CACNB1: variants seen among roughly 807,000 people sequenced by gnomAD.
CACNB1 encodes the protein voltage-dependent L-type calcium channel subunit beta-1.
In CACNB1, 29 loss-of-function variants were observed where a neutral mutation model predicts 71.6. That is an observed-to-expected ratio of 0.40 (90% CI 0.30 to 0.55). The LOEUF is 0.55. Among genes scored for constraint, CACNB1 ranks in the 20% least tolerant of loss-of-function variants. CACNB1 has a pLI of 0.38. For missense variants in CACNB1, 623 were observed against 801.8 expected (o/e 0.78, Z 2.69); for synonymous variants, 300 against 319.6 (o/e 0.94, Z 0.65).
intron 1 of CACNB1, among the ~76,000 whole-genome samples, chr17:39,196,169 C>G (rs1181985810): frequency 1.3e-5 from 2 of 152,158 alleles, no homozygotes; most frequent in Non-Finnish European, 2.9e-5. Flanking sequence ...CTGCTGGGAT[C>G]AGGGTACAAG....
At chr17:39,177,256 G>T in intron 13 of CACNB1, 94 bp downstream of exon 13, 1 of 1,599,284 alleles carries the variant, frequency 6.3e-7, no homozygotes. Context: ...TACATGGCAT[G>T]TTCCTGCTCC....
At chr17:39,197,265 C>T in intron 1 of CACNB1, 147 bp downstream of exon 1, 1 of 361,526 alleles carries the variant, frequency 2.8e-6, no homozygotes, top group Non-Finnish European at 4.9e-6. Flanking sequence ...CCATCAATCA[C>T]AACCTGCAAG....
At chr17:39,197,324 C>T (rs1298275559) in intron 1 of CACNB1, 88 bp downstream of exon 1, 8 of 808,650 alleles carry the variant, frequency 9.9e-6, no homozygotes, top group East Asian at 3.6e-5. Flanking sequence ...CGGCATATAA[C>T]CCCTTCCTCT....
chr17:39,196,881 A>T (rs909047118), intron 1 of CACNB1, among the ~76,000 whole-genome samples: 9 of 151,646 alleles, frequency 5.9e-5, no homozygotes, highest in Non-Finnish European at 1.2e-4. Context: ...GGGGACCTCG[A>T]CCGGGGTTGG....
At chr17:39,184,736 G>T in intron 8 of CACNB1, 48 bp downstream of exon 8, 1 of 1,284,974 alleles carries the variant, frequency 7.8e-7, no homozygotes, top group Non-Finnish European at 1.1e-6. Flanking sequence ...GGGGTCTGAA[G>T]ATCTTTCTAA....
At chr17:39,178,281 C>A in intron 11 of CACNB1, 1 of 495,792 alleles carries the variant, frequency 2.0e-6, no homozygotes, top group Non-Finnish European at 3.6e-6. Context: ...AGGCTCTCTC[C>A]TGGTGTTATG....
intron 12 of CACNB1, 74 bp downstream of exon 12, chr17:39,177,910 C>A: frequency 8.3e-7 from 1 of 1,202,502 alleles, no homozygotes; most frequent in South Asian, 1.2e-5. Flanking sequence ...CCCTGTCTCT[C>A]ATGTAGGCCA....
At chr17:39,187,623 G>C (rs777281691) in intron 3 of CACNB1, 22 bp from the exon 4 acceptor site, 2 of 1,613,870 alleles carry the variant, frequency 1.2e-6, no homozygotes, top group Non-Finnish European at 8.5e-7. Context: ...ACACAGGGGA[G>C]GATGGCAACT....
intron 12 of CACNB1, 144 bp downstream of exon 12, chr17:39,177,840 C>T: frequency 1.4e-6 from 1 of 701,642 alleles, no homozygotes; most frequent in Non-Finnish European, 2.5e-6. Flanking sequence ...CTGACGGGAC[C>T]TGCGCTCTTC....
At chr17:39,187,693 T>C in intron 3 of CACNB1, 92 bp from the exon 4 acceptor site, 1 of 1,412,930 alleles carries the variant, frequency 7.1e-7, no homozygotes, top group Admixed American at 1.7e-5. Context: ...TACTTGGATG[T>C]TTACTTTATA....
Position 39,186,757 on chromosome 17 carries a change from T to A in CACNB1, c.551+36A>T. ...CCAGGCTGTATGGCCTCTCCTGGGGTTGGCAGCATCCCCTTCCCCTGCCCC... is the reference window on the plus strand; with the variant it reads ...CCAGGCTGTATGGCCTCTCCTGGGGATGGCAGCATCCCCTTCCCCTGCCCC... On this transcript the variant is annotated intron_variant, in intron 5 of 13. Coordinates refer to ENST00000394303, the MANE Select transcript of CACNB1 (RefSeq NM_000723.5). This position sits in a 1 kb window ranked among gnomAD's most constrained non-coding sequence, Gnocchi z 4.1. 6.2e-7 allele frequency: 1 copy of A among 1,611,388 alleles called. No individual in the cohort carries two copies. The highest frequency in any genetic ancestry group is 8.5e-7 in the Non-Finnish European group (1 of 1,178,532).
At chr17:39,195,110 G>A in intron 1 of CACNB1, 140 bp from the exon 2 acceptor site, 4 of 614,488 alleles carry the variant, frequency 6.5e-6, no homozygotes, top group Non-Finnish European at 1.2e-5. Context: ...TTCCTCCTGA[G>A]GTGGTACGAC....
Position 39,175,303 on chromosome 17 carries a change from G to A in CACNB1, c.1687C>T (p.Arg563Trp), listed in dbSNP as rs748910980. The change falls in exon 14 of 14, where the codon CGG becomes TGG. Residue 563 changes from arginine (R) to tryptophan (W), a missense_variant. Physicochemically the swap from Arg to Trp is moderately radical, Grantham distance 101. Coordinates refer to ENST00000394303, the MANE Select transcript of CACNB1 (RefSeq NM_000723.5). The surrounding 1 kb of genome is among the most constrained non-coding windows in gnomAD (Gnocchi z 4.7). The part of the protein sequence containing the change: ...EDYEEELTDN[R>W]NRGRNKARYC... ...CGGGCCTTATTCCGGCCCCGGTTCCGGTTGTCGGTCAGCTCTTCCTCATAG... is the reference window on the plus strand; with the variant it reads ...CGGGCCTTATTCCGGCCCCGGTTCCAGTTGTCGGTCAGCTCTTCCTCATAG... The A allele has an allele frequency of 2.3e-5, 37 of 1,614,158 alleles. No individual in the cohort carries two copies. The highest frequency in any genetic ancestry group is 2.9e-5 in the Non-Finnish European group (34 of 1,180,028).
chr17:39,185,101 G>T (rs747904375), intron 7 of CACNB1, 30 bp downstream of exon 7: 11 of 1,608,870 alleles, frequency 6.8e-6, no homozygotes, highest in African/African-American at 6.7e-5. Context: ...AGGGAGTGGG[G>T]AGGAGGACAC....
rs1191663049 is a variant in CACNB1, at chr17:39,186,602, G to A, written c.552-30C>T. On this transcript the variant is annotated intron_variant, in intron 5 of 13. Transcript: ENST00000394303. The surrounding 1 kb of genome is among the most constrained non-coding windows in gnomAD (Gnocchi z 4.1). ...GTGGGCAGAGGCAAACCGAGCTTGT[G>A]AGCAAAGAGGTGGGCGTGGGGGGCT... The A allele has an allele frequency of 2.5e-6, 4 of 1,600,076 alleles. No individual in the cohort carries two copies. Among genetic ancestry groups the A allele is most frequent in the African/African-American group, 2.7e-5 (2 of 74,774 alleles).
chr17:39,192,342 G>A (rs1262495110), intron 2 of CACNB1: 2 of 152,454 alleles, frequency 1.3e-5, no homozygotes, highest in Admixed American at 6.5e-5. Context: ...CCAACCCAGA[G>A]CACAAGGGAC....
intron 9 of CACNB1, 89 bp downstream of exon 9, chr17:39,184,236 G>A (rs576153053): frequency 4.8e-5 from 62 of 1,286,184 alleles, no homozygotes; most frequent in East Asian, 2.2e-4. Context: ...TCCTCAGTCC[G>A]AGTCCCAGGA....
Position 39,186,306 on chromosome 17 carries a change from G to A in CACNB1, c.628+190C>T, listed in dbSNP as rs2045938417. The A allele has an allele frequency of 3.2e-6, 2 of 634,226 alleles. No individual in the cohort carries two copies. Among genetic ancestry groups the A allele is most frequent in the South Asian group, 3.9e-5 (2 of 51,428 alleles). The allele number at this position is 634,226 out of a possible 1,614,324, so 39.3% of individuals were successfully genotyped here. A position where few individuals can be genotyped will look rare whatever the true frequency, so the allele number is the denominator to read the frequency against. ...AGAGAGATGGAGCTACCAAAGAAAAGGGAGAGGAGAGACATGACAGGCCCA... is the reference window on the plus strand; with the variant it reads ...AGAGAGATGGAGCTACCAAAGAAAAAGGAGAGGAGAGACATGACAGGCCCA... On this transcript the variant is annotated intron_variant, in intron 6 of 13. Coordinates refer to ENST00000394303, the MANE Select transcript of CACNB1 (RefSeq NM_000723.5). The surrounding 1 kb of genome is among the most constrained non-coding windows in gnomAD (Gnocchi z 4.1).
Position 39,178,068 on chromosome 17 carries a change from C to G in CACNB1, c.1062G>C (p.Arg354Ser), listed in dbSNP as rs1420991034. ...IKITSPKVLQ[R>S]LIKSRGKSQS... ...GAGACTTTCCTCGGGACTTGATGAG[C>G]CTTTGAAGTACCTGGTTTGGGGAGA... is the stretch of plus-strand genomic sequence containing the variant. Residue 354 changes from arginine to serine, a missense_variant, in exon 12 of 14, where the codon AGG becomes AGC. Physicochemically the swap from Arg to Ser is moderately radical, Grantham distance 110. Coordinates refer to ENST00000394303, the MANE Select transcript of CACNB1 (RefSeq NM_000723.5). 1 of 1,613,664 alleles carries G rather than the reference C, an allele frequency of 6.2e-7. No individual in the cohort carries two copies. Among genetic ancestry groups the G allele is most frequent in the Non-Finnish European group, 8.5e-7 (1 of 1,179,600 alleles).
Sources: allele counts gnomAD v4.1 joint callset (sites outside exome capture counted in the v4.1 genomes callset), GRCh38; gene constraint gnomAD v4.1.1; non-coding constraint Gnocchi (gnomAD v3.1); transcripts MANE v1.5; gene names NCBI Gene and HGNC (gene_info 2026-07-23, HGNC 2026-07-21).